TRAF3IP1: variants seen among roughly 807,000 people sequenced by gnomAD.
TRAF3IP1 encodes the protein intraflagellar transport 54.
A neutral mutation model predicts 89.9 loss-of-function variants in TRAF3IP1; 53 were observed. The observed-to-expected ratio is 0.59, with a 90% CI of 0.47 to 0.74. The LOEUF is 0.74. Ranked by LOEUF, TRAF3IP1 falls within the 30% of genes least tolerant of loss-of-function variation. TRAF3IP1 has a pLI of 0.00. For synonymous variants in TRAF3IP1, 311 were observed against 322.1 expected (o/e 0.97, Z 0.37); for missense variants, 806 against 866.1 (o/e 0.93, Z 0.87).
At chr2:238,334,484 C>A (rs879526576) in intron 7 of TRAF3IP1, among the ~76,000 whole-genome samples, 1 of 151,762 alleles carries the variant, frequency 6.6e-6, no homozygotes, top group Non-Finnish European at 1.5e-5. Flanking sequence ...AATGTACAGG[C>A]CTGGCCTGCG....
intron 15 of TRAF3IP1, among the ~76,000 whole-genome samples, chr2:238,360,619 C>G (rs191098798): frequency 6.6e-6 from 1 of 152,280 alleles, no homozygotes; most frequent in South Asian, 2.1e-4. Flanking sequence ...TGTGGTGGCT[C>G]ACACCTGTAA....
At position 238,399,146 on chromosome 2, in the gene TRAF3IP1, G is replaced by A; in HGVS notation, c.*227G>A. 2.3e-6 allele frequency: 1 copy of A among 426,358 alleles called. No individual in the cohort carries two copies. The highest frequency in any genetic ancestry group is 4.1e-6 in the Non-Finnish European group (1 of 242,746). The allele number at this position is 426,358 out of a possible 1,614,324, so 26.4% of individuals were successfully genotyped here. On this transcript the variant is annotated 3_prime_UTR_variant, in exon 17 of 17. Transcript: ENST00000373327. Reference sequence around the variant, plus strand: ...GGAATACTGGCTAGTTATAAATAGCGCTTCCAAACACCTCTGTGAAAAGTT... The same window carrying A: ...GGAATACTGGCTAGTTATAAATAGCACTTCCAAACACCTCTGTGAAAAGTT...
At chr2:238,371,744 T>A (rs1700120257) in intron 15 of TRAF3IP1, among the ~76,000 whole-genome samples, 1 of 152,252 alleles carries the variant, frequency 6.6e-6, no homozygotes, top group Admixed American at 6.5e-5. Context: ...ATATAAACTA[T>A]CTCATTAGAA....
At chr2:238,347,616 T>G (rs1698953420) in intron 10 of TRAF3IP1, 141 bp downstream of exon 10, 1 of 759,410 alleles carries the variant, frequency 1.3e-6, no homozygotes, top group East Asian at 2.8e-5. Flanking sequence ...ATAACTACCC[T>G]AATGTATTTA....
chr2:238,355,802 T>C (rs895480324), intron 14 of TRAF3IP1, among the ~76,000 whole-genome samples: 1 of 152,240 alleles, frequency 6.6e-6, no homozygotes, highest in Non-Finnish European at 1.5e-5. Flanking sequence ...CTGAAACACT[T>C]TGAAATGTGA....
intron 15 of TRAF3IP1, among the ~76,000 whole-genome samples, chr2:238,356,492 G>A (rs111840752): frequency 6.6e-6 from 1 of 152,120 alleles, no homozygotes; most frequent in African/African-American, 2.4e-5. Context: ...GTGAGACCCT[G>A]CCTCAGAAAG....
chr2:238,380,380 T>G (rs1700494729), intron 15 of TRAF3IP1, among the ~76,000 whole-genome samples: 1 of 152,254 alleles, frequency 6.6e-6, no homozygotes, highest in South Asian at 2.1e-4. Context: ...TATGGTGTCT[T>G]CATGCCCAGG....
In TRAF3IP1 at chr2:238,347,638, A is replaced by T. The variant is rs6709551; in HGVS notation, c.1282+163A>T. ...CCCTAATGTATTTATTTATTTATTT[A>T]TTTTTTGAGATGGAGTTTCACTCTT... is the stretch of plus-strand genomic sequence containing the variant. On this transcript the variant is annotated intron_variant, in intron 10 of 16. Transcript: ENST00000373327. Among the ~76,000 whole-genome samples the T allele has an allele frequency of 0.11, 17,101 of 151,780 alleles. 1,712 individuals are homozygous for T. The highest frequency in any genetic ancestry group is 0.27 in the African/African-American group (11,003 of 41,350).
At chr2:238,396,441 A>T (rs1325125066) in intron 15 of TRAF3IP1, among the ~76,000 whole-genome samples, 2 of 151,368 alleles carry the variant, frequency 1.3e-5, no homozygotes, top group Admixed American at 6.6e-5. Context: ...ATGACGAGTT[A>T]ATGGGTGCAG....
At chr2:238,323,075 T>C (rs7566047) in intron 1 of TRAF3IP1, among the ~76,000 whole-genome samples, 120,968 of 151,156 alleles carry the variant, frequency 0.8, 49,218 homozygotes, top group African/African-American at 0.95. Context: ...ACAGTTATTG[T>C]TCACAATTTT....
chr2:238,323,668 TA>T (rs1227117860), intron 1 of TRAF3IP1, among the ~76,000 whole-genome samples: 1 of 152,228 alleles, frequency 6.6e-6, no homozygotes, highest in Non-Finnish European at 1.5e-5. Flanking sequence ...TATGCTTTAT[TA>T]GCTGACCTAG....
intron 3 of TRAF3IP1, 58 bp downstream of exon 3, chr2:238,326,028 G>A (rs1172011002): frequency 6.4e-7 from 1 of 1,552,716 alleles, no homozygotes; most frequent in Admixed American, 1.9e-5. Context: ...AAAGTAGTCG[G>A]GGGTGAGGGA....
At position 238,398,985 on chromosome 2, in the gene TRAF3IP1, A is replaced by G. The variant is rs1260319496; in HGVS notation, c.*66A>G. 5.7e-6 allele frequency: 8 copies of G among 1,413,280 alleles called. No homozygotes were observed. Among genetic ancestry groups the G allele is most frequent in the Non-Finnish European group, 7.7e-6 (8 of 1,041,172 alleles). 87.5% of individuals were successfully genotyped at this position (1,413,280 alleles called of 1,614,324 possible). Reference sequence around the variant, plus strand: ...AAAGCAAAAAGGAAGATAGAAAATCATTACTCTTTTAAGTTCCAGTTTGCT... The same window carrying G: ...AAAGCAAAAAGGAAGATAGAAAATCGTTACTCTTTTAAGTTCCAGTTTGCT... On this transcript the variant is annotated 3_prime_UTR_variant, in exon 17 of 17. Coordinates refer to ENST00000373327, the MANE Select transcript of TRAF3IP1 (RefSeq NM_015650.4).
rs1205341956 is a variant in TRAF3IP1, at chr2:238,325,830, T to C, written c.214T>C (p.Phe72Leu). 6.2e-7 allele frequency: 1 copy of C among 1,611,464 alleles called. No individual in the cohort carries two copies. The highest frequency in any genetic ancestry group is 8.5e-7 in the Non-Finnish European group (1 of 1,179,322). Residue 72 changes from phenylalanine (F) to leucine (L), a missense_variant, in exon 3 of 17, where the codon TTC (phenylalanine) becomes CTC (leucine). Transcript: ENST00000373327. ...TCAGGATAAAGATGCAAAAATTAGC[T>C]TCCTACAAAAGGCCATAGACGTGGT... is the stretch of plus-strand genomic sequence containing the variant. The part of the protein sequence containing the change: ...NVKDKDAKIS[F>L]LQKAIDVVVM...
Position 238,328,673 on chromosome 2 carries a change from T to C in TRAF3IP1, c.355-13T>C. 2.5e-6 allele frequency: 4 copies of C among 1,610,542 alleles called. No individual in the cohort carries two copies. The highest frequency in any genetic ancestry group is 3.4e-6 in the Non-Finnish European group (4 of 1,178,416). On this transcript the variant is annotated splice_polypyrimidine_tract_variant and intron_variant, in intron 3 of 16. Coordinates refer to ENST00000373327, the MANE Select transcript of TRAF3IP1 (RefSeq NM_015650.4). ...TCACCTAACACCTCATTTCCTTCCA[T>C]TTGGACGACAAGCTCTCTAGTGACG...
chr2:238,386,597 G>C (rs575253280), intron 15 of TRAF3IP1, among the ~76,000 whole-genome samples: 3 of 152,308 alleles, frequency 2.0e-5, no homozygotes, highest in African/African-American at 7.2e-5. Flanking sequence ...ACAAGCGTGA[G>C]CCACTGAGCC....
intron 14 of TRAF3IP1, among the ~76,000 whole-genome samples, chr2:238,355,360 A>ATGCATG (rs71043131): frequency 0.011 from 1,625 of 152,366 alleles, 14 homozygotes; most frequent in Non-Finnish European, 0.018. Context: ...ATAAATGCAT[A>ATGCATG]TGCATGTGCA....
At chr2:238,392,320 GA>G (rs1451944717) in intron 15 of TRAF3IP1, among the ~76,000 whole-genome samples, 1 of 152,206 alleles carries the variant, frequency 6.6e-6, no homozygotes, top group Non-Finnish European at 1.5e-5. Flanking sequence ...TATTGACAAT[GA>G]AACAGGATCC....
chr2:238,367,900 G>GT (rs1699954340), intron 15 of TRAF3IP1, among the ~76,000 whole-genome samples: 1 of 151,974 alleles, frequency 6.6e-6, no homozygotes, highest in Admixed American at 6.6e-5. Flanking sequence ...GGGTGGGCGC[G>GT]TTGAGCTGCT....
Sources: allele counts gnomAD v4.1 joint callset (sites outside exome capture counted in the v4.1 genomes callset), GRCh38; gene constraint gnomAD v4.1.1; transcripts MANE v1.5; gene names NCBI Gene and HGNC (gene_info 2026-07-23, HGNC 2026-07-21).